Variants in STK32C observed in about 807,000 individuals in gnomAD.
STK32C encodes serine/threonine-protein kinase 32C.
Under a neutral mutation model 56.5 loss-of-function variants are expected in STK32C, and 31 were observed. That is an observed-to-expected ratio of 0.55 (90% CI 0.41 to 0.74). The LOEUF (loss-of-function observed/expected upper bound fraction) is 0.74. Among genes scored for constraint, STK32C ranks in the 30% least tolerant of loss-of-function variants. The pLI is 0.00. For synonymous variants in STK32C, 309 were observed against 289.4 expected (o/e 1.07, Z -0.69); for missense variants, 544 against 676.9 (o/e 0.80, Z 2.18).
At chr10:132,299,553 C>T (rs1590440448) in intron 1 of STK32C, among the ~76,000 whole-genome samples, 1 of 152,226 alleles carries the variant, frequency 6.6e-6, no homozygotes, top group Admixed American at 6.5e-5. Context: ...TGCACCAGCC[C>T]GCAGCTCTCT....
chr10:132,208,117 G>A lies in STK32C; in HGVS notation c.1354C>T (p.Leu452Phe). The A allele has an allele frequency of 9.2e-6, 12 of 1,311,110 alleles. No homozygotes were observed. The highest frequency in any genetic ancestry group is 9.8e-6 in the Non-Finnish European group (10 of 1,021,494). The allele number at this position is 1,311,110 out of a possible 1,614,324, so 81.2% of individuals were successfully genotyped here. A position where few individuals can be genotyped will look rare whatever the true frequency, so the allele number is the denominator to read the frequency against. Residue 452 changes from leucine (L) to phenylalanine (F), a missense_variant, in exon 12 of 12, where the codon CTC (leucine) becomes TTC (phenylalanine). By Grantham distance (22) the Leu-to-Phe change is conservative. Coordinates refer to ENST00000298630, the MANE Select transcript of STK32C (RefSeq NM_173575.4). ...KRSQDLPREPLPAPESRDAAE... is the reference protein window; with the variant it reads ...KRSQDLPREPFPAPESRDAAE... ...GCATCCCTGGACTCAGGGGCGGGGA[G>A]AGGCTCCCTCGGGAGGTCCTGGCTC...
intron 1 of STK32C, among the ~76,000 whole-genome samples, chr10:132,273,913 G>A (rs997116684): frequency 6.6e-6 from 1 of 152,206 alleles, no homozygotes; most frequent in Admixed American, 6.5e-5. Flanking sequence ...TGCGTGTGCT[G>A]ACCCCAGCCC....
In STK32C at chr10:132,302,684, CA is replaced by C. The variant is rs564322546; in HGVS notation, c.262+4887del. Among the ~76,000 whole-genome samples the C allele has an allele frequency of 2.8e-3, 430 of 152,328 alleles. 1 individual carries two copies. Among genetic ancestry groups the C allele is most frequent in the South Asian group, 7.5e-3 (36 of 4,830 alleles). ...ACAGGGTCAGGAGGCAAGGAAAGAG[CA>C]CCCTCCAAAATGCGAGTCCACACCT... On this transcript the variant is annotated intron_variant, in intron 1 of 11. Coordinates refer to ENST00000298630, the MANE Select transcript of STK32C (RefSeq NM_173575.4).
At chr10:132,276,554 G>A (rs2138193819) in intron 1 of STK32C, among the ~76,000 whole-genome samples, 1 of 152,318 alleles carries the variant, frequency 6.6e-6, no homozygotes, top group East Asian at 1.9e-4. Flanking sequence ...AGCCAAGGCG[G>A]GAGGACTGCT....
intron 1 of STK32C, among the ~76,000 whole-genome samples, chr10:132,282,057 G>T (rs2065229091): frequency 6.6e-6 from 1 of 152,224 alleles, no homozygotes; most frequent in African/African-American, 2.4e-5. Context: ...CCGCCAGCTG[G>T]CCAGGCAGCA....
upstream of STK32C, among the ~76,000 whole-genome samples, chr10:132,312,582 CA>C (rs1202808800): frequency 6.6e-6 from 1 of 152,012 alleles, no homozygotes; most frequent in Non-Finnish European, 1.5e-5. Flanking sequence ...TCATCGGTCC[CA>C]AGTAAGTTCA....
At chr10:132,279,253 T>G (rs745578393) in intron 1 of STK32C, among the ~76,000 whole-genome samples, 4 of 152,184 alleles carry the variant, frequency 2.6e-5, no homozygotes, top group Non-Finnish European at 5.9e-5. Context: ...GGGCTACCCG[T>G]GTCCATAACA....
intron 1 of STK32C, among the ~76,000 whole-genome samples, chr10:132,297,141 C>T (rs1048561821): frequency 6.6e-6 from 1 of 152,226 alleles, no homozygotes; most frequent in African/African-American, 2.4e-5. Flanking sequence ...TTCCTTCCTG[C>T]GCCTCTGGCT....
intron 1 of STK32C, among the ~76,000 whole-genome samples, chr10:132,269,710 G>A (rs1352252779): frequency 3.3e-5 from 5 of 152,216 alleles, no homozygotes; most frequent in South Asian, 2.1e-4. Flanking sequence ...CCCTTGCCTC[G>A]CCTTGCAAAA....
rs2066118243 is a variant in STK32C at position 132,307,595 on chromosome 10, G to A, written c.239C>T (p.Pro80Leu). Residue 80 changes from proline (P) to leucine (L), a missense_variant, in exon 1 of 12, where the codon CCG (proline) becomes CTG (leucine). This residue lies in a region of STK32C where 182 missense variants were observed against 217.7 expected (regional missense o/e 0.84). Transcript: ENST00000298630. The surrounding 1 kb of genome is among the most constrained non-coding windows in gnomAD (Gnocchi z 4.4). ...ACCGTCCTCCTTGTCGTCAAACACC[G>A]GCCTCCGCGCGGTGGCCGCCGACAT... ...SSMSAATARR[P>L]VFDDKEDVNF... 2 of 1,557,996 alleles carry A rather than the reference G, an allele frequency of 1.3e-6. No homozygotes were observed. Among genetic ancestry groups the A allele is most frequent in the African/African-American group, 1.4e-5 (1 of 70,318 alleles).
chr10:132,320,463 G>T (rs2066384659), downstream of STK32C, among the ~76,000 whole-genome samples: 1 of 152,190 alleles, frequency 6.6e-6, no homozygotes, highest in Admixed American at 6.5e-5. Context: ...TGGGAAGAGG[G>T]TGGGTCCACA....
intron 1 of STK32C, among the ~76,000 whole-genome samples, chr10:132,281,700 TCGG>T (rs1407016978): frequency 6.6e-6 from 1 of 152,130 alleles, no homozygotes; most frequent in Non-Finnish European, 1.5e-5. Flanking sequence ...CCTGGGCCGG[TCGG>T]GTGGTTTGTG....
rs368861612 is a variant in STK32C, at chr10:132,244,468, C to T, written c.318+1432G>A. Among the ~76,000 whole-genome samples the T allele has an allele frequency of 1.6e-3, 244 of 152,250 alleles. 3 individuals are homozygous for T. In the South Asian group the frequency reaches 0.044, roughly 28 times the overall value. On this transcript the variant is annotated intron_variant, in intron 2 of 11. Coordinates refer to ENST00000298630, the MANE Select transcript of STK32C (RefSeq NM_173575.4). ...GGCAGGAGTGCAGGGCCAGCAGAGG[C>T]GGGGGCAACAGGGGCAATGGGGAGA...
intron 10 of STK32C, among the ~76,000 whole-genome samples, chr10:132,212,569 G>A (rs1565060769): frequency 1.3e-5 from 2 of 152,200 alleles, no homozygotes; most frequent in South Asian, 4.1e-4. Flanking sequence ...ATCGGACAAC[G>A]TCAAGGTCCA....
chr10:132,249,205 T>C, intron 1 of STK32C: 1 of 242,000 alleles, frequency 4.1e-6, no homozygotes, highest in Non-Finnish European at 8.0e-6. Context: ...GGCGGGGCCG[T>C]GGGGTTGCGG....
intron 1 of STK32C, among the ~76,000 whole-genome samples, chr10:132,251,414 T>C (rs967727199): frequency 2.6e-5 from 4 of 152,112 alleles, no homozygotes; most frequent in Non-Finnish European, 5.9e-5. Flanking sequence ...GTCATGTCAC[T>C]TGATCTGGGC....
chr10:132,216,204 C>T (rs976735865), intron 10 of STK32C, among the ~76,000 whole-genome samples: 1 of 152,202 alleles, frequency 6.6e-6, no homozygotes, highest in African/African-American at 2.4e-5. Context: ...GTGGCTCACG[C>T]CTGTAATCCT....
At chr10:132,321,565 C>A (rs2066407736), downstream of STK32C, among the ~76,000 whole-genome samples, 1 of 152,200 alleles carries the variant, frequency 6.6e-6, no homozygotes, top group Non-Finnish European at 1.5e-5. Flanking sequence ...CATGGTCGTT[C>A]ATGCCTATAA....
chr10:132,257,184 T>A (rs2064152732), intron 1 of STK32C, among the ~76,000 whole-genome samples: 1 of 152,090 alleles, frequency 6.6e-6, no homozygotes, highest in South Asian at 2.1e-4. Flanking sequence ...GGACATGCCC[T>A]GAAAGACCCC....
Sources: allele counts gnomAD v4.1 joint callset (sites outside exome capture counted in the v4.1 genomes callset), GRCh38; gene constraint gnomAD v4.1.1; regional missense constraint gnomAD v4.1.1; non-coding constraint Gnocchi (gnomAD v3.1); transcripts MANE v1.5; gene names NCBI Gene and HGNC (gene_info 2026-07-23, HGNC 2026-07-21).